The following HDAC9 variants were observed in gnomAD, a reference collection of about 807,000 sequenced individuals.
The protein encoded by HDAC9 is MEF-2 interacting transcription repressor (MITR) protein.
In HDAC9, 41 loss-of-function variants were observed where a neutral mutation model predicts 139.4. The ratio of observed to expected loss-of-function variants is 0.29; its 90% CI spans 0.23 to 0.38. HDAC9 has a LOEUF of 0.38. HDAC9 is among the 10% of genes least tolerant of loss of function. HDAC9 has a pLI of 1.00. For missense variants in HDAC9, 1,147 were observed against 1,297.0 expected, an observed-to-expected ratio of 0.88 and a Z score of 1.78; for synonymous variants, 517 against 476.2, an observed-to-expected ratio of 1.09 and a Z score of -1.12.
At chr7:18,402,773 G>A (rs903055956) in intron 1 of HDAC9, among the ~76,000 whole-genome samples, 2 of 152,128 alleles carry the variant, frequency 1.3e-5, no homozygotes, top group African/African-American at 4.8e-5. Context: ...ATGAAAGGTT[G>A]CTTTCAGGCA....
chr7:18,586,115 T>G (rs565829545), intron 3 of HDAC9, among the ~76,000 whole-genome samples: 2 of 152,166 alleles, frequency 1.3e-5, no homozygotes, highest in African/African-American at 4.8e-5. Flanking sequence ...AAGAATTTAT[T>G]GAAAGTATTT....
At chr7:18,318,160 T>C (rs1173486618) in intron 1 of HDAC9, among the ~76,000 whole-genome samples, 2 of 152,202 alleles carry the variant, frequency 1.3e-5, no homozygotes, top group East Asian at 3.8e-4. Flanking sequence ...GATGGTTTTT[T>C]ACTTGCAGCT....
chr7:18,185,198 A>T (rs1020052256), intron 2 of HDAC9, among the ~76,000 whole-genome samples: 4 of 152,214 alleles, frequency 2.6e-5, no homozygotes, highest in Admixed American at 2.6e-4. Flanking sequence ...TTGTTATTTG[A>T]AAGACATCAG....
At chr7:18,331,625 TA>T (rs145983619) in intron 1 of HDAC9, among the ~76,000 whole-genome samples, 52,341 of 150,888 alleles carry the variant, frequency 0.35, 10,539 homozygotes, top group Non-Finnish European at 0.44. Flanking sequence ...TAAAGTATAA[TA>T]AAAAAATTTT....
At chr7:18,887,824 C>A (rs1585228753) in intron 22 of HDAC9, among the ~76,000 whole-genome samples, 1 of 151,816 alleles carries the variant, frequency 6.6e-6, no homozygotes, top group African/African-American at 2.4e-5. Context: ...CATATATTTT[C>A]TTCCTCTACC....
chr7:18,109,766 C>T (rs1783485044), intron 1 of HDAC9, among the ~76,000 whole-genome samples: 1 of 152,116 alleles, frequency 6.6e-6, no homozygotes, highest in Non-Finnish European at 1.5e-5. Flanking sequence ...ACTTACATAT[C>T]CACTTTAATG....
At position 18,560,807 on chromosome 7, in the gene HDAC9, C is replaced by T. The variant is rs188656760; in HGVS notation, c.23-24474C>T. Among the ~76,000 whole-genome samples the T allele has an allele frequency of 6.8e-4, 103 of 152,188 alleles. 1 individual carries two copies. Among genetic ancestry groups the T allele is most frequent in the African/African-American group, 2.4e-3 (100 of 41,516 alleles). ...ACCATAGAGCTAGCTCCCCTGGAAT[C>T]AGAGAGGGAGCATTAGCTTGGTAGA... On this transcript the variant is annotated intron_variant, in intron 2 of 25. Transcript: ENST00000686413.
chr7:18,544,724 C>T (rs969049879), intron 2 of HDAC9, among the ~76,000 whole-genome samples: 5 of 152,122 alleles, frequency 3.3e-5, no homozygotes, highest in African/African-American at 1.2e-4. Context: ...TAAGGAAAGA[C>T]AGTATTTCAG....
chr7:18,460,816 G>A (rs1180708499), intron 1 of HDAC9, among the ~76,000 whole-genome samples: 2 of 150,028 alleles, frequency 1.3e-5, no homozygotes, highest in African/African-American at 4.9e-5. Flanking sequence ...AAAAAGGAGT[G>A]GATTATCCTG....
In HDAC9 at chr7:18,192,363, G is replaced by A. The variant is rs138890142; in HGVS notation, c.25+30014G>A. Among the ~76,000 whole-genome samples the A allele has an allele frequency of 3.4e-3, 512 of 152,220 alleles. 2 individuals carry two copies. The highest frequency in any genetic ancestry group is 5.0e-3 in the Admixed American group (77 of 15,286). ...CTATTGCATTTGTAAATATTCAAAT[G>A]CACTTTGTTATGGATAAAAGGGAGT... On this transcript the variant is annotated intron_variant, in intron 2 of 12. Coordinates refer to the HDAC9 transcript ENST00000417496.
chr7:18,157,280 T>C (rs2128124238), intron 1 of HDAC9, among the ~76,000 whole-genome samples: 1 of 152,272 alleles, frequency 6.6e-6, no homozygotes, highest in African/African-American at 2.4e-5. Context: ...GCCTCGGTAG[T>C]AGCTAATAAT....
At chr7:18,115,274 C>G (rs1275185183) in intron 1 of HDAC9, among the ~76,000 whole-genome samples, 1 of 140,166 alleles carries the variant, frequency 7.1e-6, no homozygotes, top group Non-Finnish European at 1.5e-5. Flanking sequence ...GCCTAGGTGA[C>G]AGAGCGAGAC....
chr7:18,930,607 G>A (rs1056036433), intron 22 of HDAC9, among the ~76,000 whole-genome samples: 1 of 131,186 alleles, frequency 7.6e-6, no homozygotes, highest in African/African-American at 2.7e-5. Context: ...GCAGAATTCA[G>A]GATAATAAAA....
chr7:18,811,378 G>T (rs1794163256), intron 17 of HDAC9, among the ~76,000 whole-genome samples: 1 of 151,688 alleles, frequency 6.6e-6, no homozygotes, highest in Non-Finnish European at 1.5e-5. Context: ...AGCATTTATT[G>T]CTATAAATTT....
At chr7:18,532,980 GCACACACACAA>G (rs1357315487) in intron 2 of HDAC9, among the ~76,000 whole-genome samples, 1 of 151,966 alleles carries the variant, frequency 6.6e-6, no homozygotes, top group East Asian at 1.9e-4. Context: ...TTGTGTGTGT[GCACACACACAA>G]ATATGTACAC....
chr7:18,642,935 T>C (rs193233024), intron 8 of HDAC9, among the ~76,000 whole-genome samples: 62 of 152,240 alleles, frequency 4.1e-4, no homozygotes, highest in Admixed American at 4.1e-3. Flanking sequence ...ATCTTAGTGC[T>C]GTGAGAAGCA....
intron 1 of HDAC9, among the ~76,000 whole-genome samples, chr7:18,441,924 C>T (rs761329417): frequency 1.8e-4 from 27 of 152,010 alleles, no homozygotes; most frequent in Non-Finnish European, 3.4e-4. Context: ...CCCGCTACCA[C>T]GCCCGGCTAA....
intron 12 of HDAC9, among the ~76,000 whole-genome samples, chr7:18,700,308 T>C (rs559031499): frequency 2.0e-5 from 3 of 152,180 alleles, no homozygotes; most frequent in Non-Finnish European, 2.9e-5. Flanking sequence ...TATGAATGAG[T>C]TGTCTTTATC....
intron 1 of HDAC9, among the ~76,000 whole-genome samples, chr7:18,364,173 G>A (rs1455000743): frequency 1.3e-5 from 2 of 152,094 alleles, no homozygotes; most frequent in African/African-American, 2.4e-5. Context: ...GAACATCTGT[G>A]TGAGGCAGGA....
Sources: gnomAD v4.1 joint callset for allele counts (sites outside exome capture counted in the v4.1 genomes callset) on GRCh38, gnomAD v4.1.1 for gene constraint, MANE v1.5 for transcripts, NCBI Gene and HGNC (gene_info 2026-07-23, HGNC 2026-07-21) for gene names.